EPHA5: variants seen among roughly 807,000 people sequenced by gnomAD.
The protein encoded by EPHA5 is ephrin type-A receptor 5.
A neutral mutation model predicts 105.0 loss-of-function variants in EPHA5; 60 were observed. The ratio of observed to expected loss-of-function variants is 0.57; its 90% CI spans 0.46 to 0.71. EPHA5 has a LOEUF of 0.71. Among genes scored for constraint, EPHA5 ranks in the 30% least tolerant of loss-of-function variants. The probability of loss-of-function intolerance (pLI) is 0.00; values close to 1 mark genes in which losing one functional copy is unlikely to be tolerated. For missense variants in EPHA5, 1,218 were observed against 1,274.7 expected (o/e 0.96, Z 0.68); for synonymous variants, 513 against 449.1 (o/e 1.14, Z -1.80).
intron 15 of EPHA5, among the ~76,000 whole-genome samples, chr4:65,334,453 G>T (rs1222491065): frequency 6.6e-6 from 1 of 151,934 alleles, no homozygotes; most frequent in Non-Finnish European, 1.5e-5. Flanking sequence ...GCACAAGGTC[G>T]ATTTGAGAAT....
At chr4:65,562,222 T>G (rs1397602497) in intron 3 of EPHA5, among the ~76,000 whole-genome samples, 1 of 152,092 alleles carries the variant, frequency 6.6e-6, no homozygotes, top group Non-Finnish European at 1.5e-5. Context: ...GATCCATAAT[T>G]AAATTAATAT....
At chr4:65,351,357 A>C in intron 13 of EPHA5, 32 bp downstream of exon 13, 1 of 1,585,114 alleles carries the variant, frequency 6.3e-7, no homozygotes, top group South Asian at 1.1e-5. Context: ...GCTCTGGTCT[A>C]GTGTTTAGAA....
chr4:65,538,862 A>C (rs1364755143), intron 3 of EPHA5, among the ~76,000 whole-genome samples: 2 of 151,696 alleles, frequency 1.3e-5, no homozygotes, highest in African/African-American at 4.8e-5. Context: ...TCTCTGACCT[A>C]AAGATGGTAA....
intron 3 of EPHA5, among the ~76,000 whole-genome samples, chr4:65,540,401 T>C (rs978401137): frequency 1.7e-4 from 25 of 151,446 alleles, no homozygotes; most frequent in Admixed American, 2.6e-4. Flanking sequence ...CATTTTTTTT[T>C]CCCTCTCTGA....
chr4:65,367,507 A>G, intron 8 of EPHA5, 83 bp from the exon 9 acceptor site: 1 of 1,255,122 alleles, frequency 8.0e-7, no homozygotes, highest in South Asian at 1.2e-5. Flanking sequence ...AGCACAACTG[A>G]AATTATTGCA....
At chr4:65,540,495 A>G (rs10005891) in intron 3 of EPHA5, among the ~76,000 whole-genome samples, 2,201 of 151,518 alleles carry the variant, frequency 0.015, 29 homozygotes, top group Non-Finnish European at 0.024. Flanking sequence ...TGACAATCTG[A>G]AAAATTATAG....
intron 3 of EPHA5, among the ~76,000 whole-genome samples, chr4:65,570,311 A>G (rs1353166265): frequency 3.9e-5 from 6 of 151,912 alleles, no homozygotes; most frequent in African/African-American, 1.4e-4. Flanking sequence ...TTAATCTCAG[A>G]GAAGCATTAA....
intron 3 of EPHA5, among the ~76,000 whole-genome samples, chr4:65,595,740 C>T (rs185832674): frequency 7.9e-5 from 12 of 152,058 alleles, no homozygotes; most frequent in Admixed American, 4.6e-4. Flanking sequence ...GCCACCACGC[C>T]GGGCTAATTT....
intron 5 of EPHA5, among the ~76,000 whole-genome samples, chr4:65,458,360 A>G (rs1025838983): frequency 1.3e-5 from 2 of 152,148 alleles, no homozygotes; most frequent in Non-Finnish European, 2.9e-5. Context: ...CTTATACAGC[A>G]TGAACTAGAC....
Position 65,619,922 on chromosome 4 carries a change from T to C in EPHA5, c.247-17618A>G, listed in dbSNP as rs117964852. ...GTATATCTTCAATATTTTGTTTTAA[T>C]TGATAATAATATTATAAAGTTTCTC... is the stretch of plus-strand genomic sequence containing the variant. On this transcript the variant is annotated intron_variant, in intron 2 of 16. Coordinates refer to ENST00000613740, the MANE Select transcript of EPHA5 (RefSeq NM_001281766.3). 2.4e-4 allele frequency among the ~76,000 whole-genome samples: 36 copies of C among 151,440 alleles called. No individual in the cohort carries two copies. In the East Asian group the frequency reaches 4.8e-3, roughly 20 times the overall value.
At chr4:65,564,698 G>A (rs537549931) in intron 3 of EPHA5, among the ~76,000 whole-genome samples, 9 of 151,546 alleles carry the variant, frequency 5.9e-5, no homozygotes, top group South Asian at 4.2e-4. Context: ...ACTTCCCAAC[G>A]TTACAAGGGT....
At chr4:65,452,614 G>A (rs2149110058) in intron 5 of EPHA5, among the ~76,000 whole-genome samples, 1 of 151,156 alleles carries the variant, frequency 6.6e-6, no homozygotes, top group African/African-American at 2.4e-5. Context: ...TCCTATGGCT[G>A]TTGGAATGCA....
intron 1 of EPHA5, among the ~76,000 whole-genome samples, chr4:65,667,959 T>A (rs1750094891): frequency 6.6e-6 from 1 of 152,162 alleles, no homozygotes; most frequent in African/African-American, 2.4e-5. Context: ...TCTAACAGAA[T>A]GAATTTAACA....
rs1304625799 is a variant in EPHA5, at chr4:65,396,142, G to T, written c.1793+8232C>A. 4.6e-5 allele frequency among the ~76,000 whole-genome samples: 7 copies of T among 152,288 alleles called. No individual in the cohort carries two copies. The South Asian group carries it at 1.2e-3, about 27-fold the overall frequency. ...TGCTGCCTGGCCTCTCGCTGCTACT[G>T]GTGCCAGCTCTGATTTCAAAGCAAA... On this transcript the variant is annotated intron_variant, in intron 8 of 16. Transcript: ENST00000613740.
intron 8 of EPHA5, among the ~76,000 whole-genome samples, chr4:65,398,582 T>C (rs1721490168): frequency 6.6e-6 from 1 of 152,294 alleles, no homozygotes; most frequent in East Asian, 1.9e-4. Context: ...GTGCTTTCTC[T>C]CGCCTGCCTA....
intron 5 of EPHA5, among the ~76,000 whole-genome samples, chr4:65,458,815 ATT>A (rs1180957531): frequency 1.3e-5 from 2 of 152,130 alleles, no homozygotes; most frequent in African/African-American, 4.8e-5. Context: ...TTGTTCAATA[ATT>A]TAGTGAACCG....
At chr4:65,518,433 ACC>A (rs1734320315) in intron 3 of EPHA5, among the ~76,000 whole-genome samples, 1 of 151,728 alleles carries the variant, frequency 6.6e-6, no homozygotes, top group South Asian at 2.1e-4. Context: ...ACACACACAC[ACC>A]CACACACACA....
At chr4:65,367,266 T>G in intron 9 of EPHA5, 91 bp downstream of exon 9, 4 of 1,074,832 alleles carry the variant, frequency 3.7e-6, no homozygotes, top group South Asian at 1.5e-5. Flanking sequence ...TTTTGGTCAG[T>G]TATTATAAAT....
intron 5 of EPHA5, among the ~76,000 whole-genome samples, chr4:65,449,129 G>T (rs1421075953): frequency 6.6e-6 from 1 of 152,048 alleles, no homozygotes; most frequent in African/African-American, 2.4e-5. Context: ...TTACTACCTA[G>T]TGAACATAAA....
Sources: allele counts gnomAD v4.1 joint callset (sites outside exome capture counted in the v4.1 genomes callset), GRCh38; gene constraint gnomAD v4.1.1; transcripts MANE v1.5; gene names NCBI Gene and HGNC (gene_info 2026-07-23, HGNC 2026-07-21).